PARG: variants seen among roughly 807,000 people sequenced by gnomAD.
PARG encodes poly(ADP-ribose) glycohydrolase, also known as mitochondrial poly(ADP-ribose) glycohydrolase.
PARG carries 35 observed loss-of-function variants against 113.0 expected under a neutral mutation model. The ratio of observed to expected loss-of-function variants is 0.31; its 90% confidence interval spans 0.24 to 0.41. The LOEUF (loss-of-function observed/expected upper bound fraction) is 0.41, where lower values mean the gene tolerates loss of function less well. Among genes scored for constraint, PARG ranks in the 10% least tolerant of loss-of-function variants. The pLI, the probability that PARG is intolerant of heterozygous loss-of-function variation, is 1.00. For synonymous variants in PARG, 330 were observed against 409.9 expected (o/e 0.81, Z 2.36); for missense variants, 797 against 1,169.4 (o/e 0.68, Z 4.64).
At chr10:49,828,507 C>G (rs545187418) in intron 16 of PARG, among the ~76,000 whole-genome samples, 59 of 152,270 alleles carry the variant, frequency 3.9e-4, no homozygotes, top group South Asian at 8.3e-4. Flanking sequence ...TTTGGTGGCA[C>G]AGGCATGCAG....
chr10:49,919,578 G>A (rs1398744858), intron 6 of PARG, among the ~76,000 whole-genome samples: 1 of 152,012 alleles, frequency 6.6e-6, no homozygotes, highest in African/African-American at 2.4e-5. Flanking sequence ...CAGTACTTTG[G>A]GAGGCCAAGG....
chr10:49,833,122 T>C (rs573630774), intron 15 of PARG: 1 of 336,858 alleles, frequency 3.0e-6, no homozygotes, highest in African/African-American at 2.1e-5. Context: ...TGATAAATTC[T>C]AATATTTATT....
intron 7 of PARG, among the ~76,000 whole-genome samples, chr10:49,911,572 T>C (rs1837184859): frequency 6.6e-6 from 1 of 152,336 alleles, no homozygotes; most frequent in Admixed American, 6.5e-5. Context: ...TAACAGCCAT[T>C]TCGACTCAGT....
intron 8 of PARG, among the ~76,000 whole-genome samples, chr10:49,882,337 T>G (rs1175204013): frequency 6.6e-6 from 1 of 150,836 alleles, no homozygotes; most frequent in Non-Finnish European, 1.5e-5. Context: ...CCTTTAGATT[T>G]GGCCTAGAGT....
chr10:49,828,704 A>C (rs1844496518), intron 16 of PARG, among the ~76,000 whole-genome samples: 1 of 152,220 alleles, frequency 6.6e-6, no homozygotes, highest in Admixed American at 6.5e-5. Context: ...ATGTACAATT[A>C]AAGCAGTTCA....
intron 13 of PARG, among the ~76,000 whole-genome samples, chr10:49,852,192 C>T (rs1845790342): frequency 6.6e-6 from 1 of 152,076 alleles, no homozygotes; most frequent in Non-Finnish European, 1.5e-5. Context: ...GATGAAATGG[C>T]CATTTCCATT....
Position 49,933,480 on chromosome 10 carries a change from C to A in PARG, c.968G>T (p.Ser323Ile), listed in dbSNP as rs1296777475. The change falls in exon 3 of 18, where the codon AGT becomes ATT. Residue 323 changes from serine (S) to isoleucine (I), a missense_variant. Physicochemically the swap from Ser to Ile is moderately radical, Grantham distance 142. Around this residue, in one of 5 missense-constraint regions of PARG, gnomAD observed 252 missense variants for 437.4 expected, o/e 0.58. Coordinates refer to ENST00000616448, the MANE Select transcript of PARG (RefSeq NM_003631.5). ...ATCTTCTTGTTCATCAAAACCTGGA[C>A]TTGTCTCCTCATCTGCTTCTGAGTC... ...CQDSEADEET[S>I]PGFDEQEDGS... The A allele has an allele frequency of 6.2e-7, 1 of 1,610,436 alleles. No individual in the cohort carries two copies. Among genetic ancestry groups the A allele is most frequent in the Non-Finnish European group, 8.5e-7 (1 of 1,176,838 alleles).
At chr10:49,833,092 G>A in intron 15 of PARG, 184 bp from the exon 16 acceptor site, 1 of 416,724 alleles carries the variant, frequency 2.4e-6, no homozygotes, top group South Asian at 6.4e-5. Context: ...CTGGGATTAT[G>A]CAAGGAAGAG....
chr10:49,908,238 G>A (rs1475986340), intron 7 of PARG, among the ~76,000 whole-genome samples: 2 of 152,156 alleles, frequency 1.3e-5, no homozygotes, highest in Non-Finnish European at 2.9e-5. Context: ...TTTGGGATAT[G>A]CACTATTTAG....
At chr10:49,860,661 C>T (rs1317855326) in intron 12 of PARG, among the ~76,000 whole-genome samples, 2 of 151,970 alleles carry the variant, frequency 1.3e-5, no homozygotes, top group Admixed American at 6.6e-5. Context: ...AATAACTAGA[C>T]GTAAATCTTA....
intron 7 of PARG, among the ~76,000 whole-genome samples, chr10:49,885,876 T>G (rs1308715361): frequency 4.6e-5 from 7 of 152,198 alleles, no homozygotes; most frequent in African/African-American, 1.7e-4. Flanking sequence ...ATATAAAAAT[T>G]TGAAGCACAA....
intron 7 of PARG, among the ~76,000 whole-genome samples, chr10:49,905,100 A>T (rs1848516344): frequency 6.6e-6 from 1 of 152,282 alleles, no homozygotes; most frequent in East Asian, 1.9e-4. Context: ...TGAGGAATGG[A>T]ATAAGACGAG....
intron 7 of PARG, among the ~76,000 whole-genome samples, chr10:49,894,993 A>G (rs1848005419): frequency 6.6e-6 from 1 of 152,080 alleles, no homozygotes; most frequent in Admixed American, 6.5e-5. Context: ...CTCTAACTCC[A>G]TCATCATATA....
chr10:49,885,875 T>TA (rs1847451761), intron 7 of PARG, among the ~76,000 whole-genome samples: 1 of 152,208 alleles, frequency 6.6e-6, no homozygotes, highest in Non-Finnish European at 1.5e-5. Context: ...CATATAAAAA[T>TA]TTGAAGCACA....
intron 12 of PARG, among the ~76,000 whole-genome samples, chr10:49,858,795 G>C (rs1554835462): frequency 1.3e-5 from 2 of 150,476 alleles, no homozygotes; most frequent in African/African-American, 4.9e-5. Context: ...CCAGTCTGTT[G>C]ATTAGAATTA....
intron 14 of PARG, among the ~76,000 whole-genome samples, chr10:49,842,483 C>G (rs1554832565): frequency 6.6e-6 from 1 of 152,152 alleles, no homozygotes; most frequent in Non-Finnish European, 1.5e-5. Flanking sequence ...GTTGTAACAT[C>G]ACTATATACT....
At position 49,932,290 on chromosome 10, in the gene PARG, T is replaced by C. The variant is rs1838531310; in HGVS notation, c.1272-7A>G. On this transcript the variant is annotated splice_polypyrimidine_tract_variant and splice_region_variant and intron_variant, in intron 3 of 17. Transcript: ENST00000616448. ...GGTTTCCCACTGTTCTTTTCTAAGG[T>C]CAAGACAAATGTATTTAGTCACAAA... 2 of 1,508,376 alleles carry C rather than the reference T, an allele frequency of 1.3e-6. No homozygotes were observed. The highest frequency in any genetic ancestry group is 2.3e-5 in the East Asian group (1 of 44,438). The allele number at this position is 1,508,376 out of a possible 1,614,324, so 93.4% of individuals were successfully genotyped here.
intron 16 of PARG, among the ~76,000 whole-genome samples, chr10:49,820,782 C>A (rs1419314526): frequency 6.6e-6 from 1 of 151,610 alleles, no homozygotes; most frequent in African/African-American, 2.4e-5. Context: ...AGTTGTGTGG[C>A]TTTTCAGACA....
chr10:49,869,343 G>T, intron 10 of PARG, 133 bp downstream of exon 10: 5 of 667,724 alleles, frequency 7.5e-6, no homozygotes, highest in Non-Finnish European at 1.4e-5. Context: ...TTATATTGTC[G>T]CATCATTACT....
Sources: allele counts gnomAD v4.1 joint callset (sites outside exome capture counted in the v4.1 genomes callset), GRCh38; gene constraint gnomAD v4.1.1; regional missense constraint gnomAD v4.1.1; transcripts MANE v1.5; gene names NCBI Gene and HGNC (gene_info 2026-07-23, HGNC 2026-07-21).